The following TFAM variants were observed in gnomAD, a reference collection of about 807,000 sequenced individuals.
TFAM encodes mitochondrial transcription factor 1.
A neutral mutation model predicts 30.6 loss-of-function variants in TFAM; 13 were observed. The observed-to-expected ratio is 0.42, with a 90% CI of 0.28 to 0.67. TFAM has a LOEUF of 0.67. Among genes scored for constraint, TFAM ranks in the 30% least tolerant of loss-of-function variants. The pLI is 0.21. For synonymous variants in TFAM, 106 were observed against 94.8 expected (o/e 1.12, Z -0.69); for missense variants, 231 against 293.7 (o/e 0.79, Z 1.56).
chr10:58,386,980 C>G (rs1189778946), intron 2 of TFAM, among the ~76,000 whole-genome samples: 1 of 152,064 alleles, frequency 6.6e-6, no homozygotes, highest in Non-Finnish European at 1.5e-5. Flanking sequence ...ATGCTCACAT[C>G]AGGCTGGGTG....
chr10:58,394,458 C>G (rs1380456292), intron 6 of TFAM, 44 bp downstream of exon 6: 3 of 1,513,198 alleles, frequency 2.0e-6, no homozygotes, highest in Non-Finnish European at 2.8e-6. Context: ...CTTAGGATAT[C>G]TGTGAGAGAA....
chr10:58,385,536 T>G lies in TFAM; in HGVS notation c.-12T>G. 6.4e-7 allele frequency: 1 copy of G among 1,555,522 alleles called. No individual in the cohort carries two copies. On this transcript the variant is annotated 5_prime_UTR_variant, in exon 1 of 7. Transcript: ENST00000487519. ...AGATTGGGGTCGGGTCACTGCCTCA[T>G]CCACCGGAGCGATGGCGTTTCTCCG...
chr10:58,394,413 AAGTG>A lies in TFAM; in HGVS notation c.594+3_594+6del. On this transcript the variant is annotated splice_donor_variant and splice_donor_region_variant and coding_sequence_variant and intron_variant, in exon 6 of 7. Coordinates refer to ENST00000487519, the MANE Select transcript of TFAM (RefSeq NM_003201.3). LOFTEE classifies it high-confidence loss of function. The stretch of plus-strand genomic sequence containing the variant: ...AAAAATCTGTCTGACTCTGAAAAGG[AAGTG>A]AGTATTACGGTTGTTAGTCTCAAGT... 1 of 1,613,228 alleles carries A rather than the reference AAGTG, an allele frequency of 6.2e-7. No individual in the cohort carries two copies. Among genetic ancestry groups the A allele is most frequent in the Non-Finnish European group, 8.5e-7 (1 of 1,179,244 alleles).
intron 5 of TFAM, among the ~76,000 whole-genome samples, chr10:58,391,304 C>G (rs533026824): frequency 6.6e-6 from 1 of 152,218 alleles, no homozygotes; most frequent in East Asian, 1.9e-4. Context: ...TGCATCATAT[C>G]AGTGTGTCAA....
In TFAM at chr10:58,390,812, C is replaced by G; in HGVS notation, c.489C>G (p.Asn163Lys). The G allele has an allele frequency of 6.2e-7, 1 of 1,613,148 alleles. No individual in the cohort carries two copies. Among genetic ancestry groups the G allele is most frequent in the Non-Finnish European group, 8.5e-7 (1 of 1,179,742 alleles). The change falls in exon 5 of 7, where the codon AAC becomes AAG. Residue 163 changes from asparagine to lysine, a missense_variant. Physicochemically the swap from Asn to Lys is moderately conservative, Grantham distance 94. Coordinates refer to ENST00000487519, the MANE Select transcript of TFAM (RefSeq NM_003201.3). ...CAAAAAGACCTCGTTCAGCTTATAA[C>G]GTTTATGTAGCTGAAAGATTCCAAG... Reference protein sequence around the residue: ...GKPKRPRSAYNVYVAERFQEA... With the variant: ...GKPKRPRSAYKVYVAERFQEA...
intron 4 of TFAM, among the ~76,000 whole-genome samples, chr10:58,389,225 T>G (rs1840547295): frequency 6.6e-6 from 1 of 152,238 alleles, no homozygotes; most frequent in Admixed American, 6.5e-5. Context: ...CTGAGTAGAC[T>G]GCATTAATTC....
chr10:58,394,637 T>C (rs1441333770), intron 6 of TFAM: 1 of 679,002 alleles, frequency 1.5e-6, no homozygotes, highest in Non-Finnish European at 2.7e-6. Context: ...TAAGCCTGAG[T>C]GTCCACTTAT....
chr10:58,397,959 A>G lies in TFAM; in HGVS notation c.*2885A>G, dbSNP rs921793633. 1.3e-5 allele frequency: 2 copies of G among 151,974 alleles called. No individual in the cohort carries two copies. The highest frequency in any genetic ancestry group is 2.1e-4 in the South Asian group (1 of 4,806). The allele number at this position is 151,974 out of a possible 1,614,324, so 9.4% of individuals were successfully genotyped here. ...TTTTTAATCAAGATGGGATCTTGCT[A>G]TGTTGCCCAGGCTGGTCTCAAACTC... is the stretch of plus-strand genomic sequence containing the variant. On this transcript the variant is annotated 3_prime_UTR_variant, in exon 7 of 7. Transcript: ENST00000487519.
At position 58,399,200 on chromosome 10, in the gene TFAM, T is replaced by G. The variant is rs566048832; in HGVS notation, c.*4126T>G. ...CTCTAAACAGGAATTTTAAATAAAC[T>G]AAACATTTTTTCATCACCAAGCATC... On this transcript the variant is annotated 3_prime_UTR_variant, in exon 7 of 7. Transcript: ENST00000487519. 1.3e-5 allele frequency: 2 copies of G among 152,326 alleles called. No homozygotes were observed. Among genetic ancestry groups the G allele is most frequent in the East Asian group, 1.9e-4 (1 of 5,192 alleles). The allele number at this position is 152,326 out of a possible 1,614,324, so 9.4% of individuals were successfully genotyped here. A position where few individuals can be genotyped will look rare whatever the true frequency, so the allele number is the denominator to read the frequency against.
intron 5 of TFAM, among the ~76,000 whole-genome samples, chr10:58,391,502 A>G (rs1385815960): frequency 5.9e-5 from 9 of 152,128 alleles, no homozygotes; most frequent in South Asian, 2.1e-4. Flanking sequence ...CGGGATTATT[A>G]TATCTGTAGT....
At chr10:58,391,539 C>T (rs1011061912) in intron 5 of TFAM, among the ~76,000 whole-genome samples, 1 of 152,016 alleles carries the variant, frequency 6.6e-6, no homozygotes, top group African/African-American at 2.4e-5. Flanking sequence ...GTTTCCATAT[C>T]CCTAAATAAC....
At chr10:58,391,938 T>G (rs1460927933) in intron 5 of TFAM, among the ~76,000 whole-genome samples, 1 of 151,724 alleles carries the variant, frequency 6.6e-6, no homozygotes, top group Non-Finnish European at 1.5e-5. Flanking sequence ...TTTTTTTTTT[T>G]TTGTACTTAC....
chr10:58,390,085 G>T (rs970751873), intron 4 of TFAM, among the ~76,000 whole-genome samples: 1 of 152,180 alleles, frequency 6.6e-6, no homozygotes, highest in Non-Finnish European at 1.5e-5. Flanking sequence ...CCTACTTACA[G>T]TTATGAATAA....
intron 4 of TFAM, among the ~76,000 whole-genome samples, chr10:58,390,018 T>C (rs1255572738): frequency 1.3e-5 from 2 of 152,204 alleles, no homozygotes; most frequent in Non-Finnish European, 2.9e-5. Context: ...GAGTCTATAG[T>C]AGTTTCAATA....
intron 5 of TFAM, among the ~76,000 whole-genome samples, chr10:58,391,834 G>A (rs1840604099): frequency 6.6e-6 from 1 of 150,924 alleles, no homozygotes; most frequent in African/African-American, 2.4e-5. Context: ...TATGTAAGCT[G>A]TATTCACAGC....
intron 1 of TFAM, 132 bp from the exon 2 acceptor site, chr10:58,386,088 A>G (rs1840484288): frequency 2.2e-5 from 17 of 780,380 alleles, no homozygotes; most frequent in East Asian, 7.3e-5. Context: ...ATAAGTCTCT[A>G]GCATTCTTGT....
intron 2 of TFAM, among the ~76,000 whole-genome samples, chr10:58,387,418 T>G (rs901133525): frequency 2.5e-4 from 38 of 152,202 alleles, no homozygotes; most frequent in African/African-American, 8.7e-4. Context: ...CCGGTTAAGA[T>G]GAAGAAGGAA....
chr10:58,386,959 G>C (rs905061148), intron 2 of TFAM, among the ~76,000 whole-genome samples: 2 of 151,994 alleles, frequency 1.3e-5, no homozygotes, highest in Non-Finnish European at 2.9e-5. Flanking sequence ...GCCTCTCGGC[G>C]AGAATAAAAA....
In TFAM at chr10:58,395,969, G is replaced by C. The variant is rs1840674648; in HGVS notation, c.*895G>C. 1 of 184,892 alleles carries C rather than the reference G, an allele frequency of 5.4e-6. No homozygotes were observed. 11.5% of individuals were successfully genotyped at this position (184,892 alleles called of 1,614,324 possible). On this transcript the variant is annotated 3_prime_UTR_variant, in exon 7 of 7. Transcript: ENST00000487519. ...ATAACGTATAAAAGCCTGTTTAAGA[G>C]ACAGCCAACTATGGCCTGTGGATCA...
Sources: allele counts gnomAD v4.1 joint callset (sites outside exome capture counted in the v4.1 genomes callset), GRCh38; gene constraint gnomAD v4.1.1; transcripts MANE v1.5; gene names NCBI Gene and HGNC (gene_info 2026-07-23, HGNC 2026-07-21).